Variants in TINAG observed in about 807,000 individuals in gnomAD.
TINAG encodes the protein tubulointerstitial nephritis antigen.
In TINAG, 83 loss-of-function variants were observed where a neutral mutation model predicts 72.7. The observed-to-expected ratio is 1.14, with a 90% CI of 0.96 to 1.37. The LOEUF is 1.37. Ranked by LOEUF, TINAG falls within the 40% of genes most tolerant of loss-of-function variation. TINAG has a pLI of 0.00. For missense variants in TINAG, 685 were observed against 576.6 expected, an observed-to-expected ratio of 1.19 and a Z score of -1.93; for synonymous variants, 234 against 189.9, an observed-to-expected ratio of 1.23 and a Z score of -1.91.
At chr6:54,317,612 T>C (rs950103872) in intron 1 of TINAG, among the ~76,000 whole-genome samples, 6 of 152,172 alleles carry the variant, frequency 3.9e-5, no homozygotes, top group African/African-American at 1.4e-4. Context: ...AATTACTCAG[T>C]CTTGGGTATG....
intron 10 of TINAG, among the ~76,000 whole-genome samples, chr6:54,381,750 A>G (rs939507812): frequency 6.6e-6 from 1 of 152,148 alleles, no homozygotes; most frequent in Non-Finnish European, 1.5e-5. Flanking sequence ...ACCTACTATT[A>G]AGTTTCTGCA....
rs557831982 is a variant in TINAG at position 54,385,879 on chromosome 6, A to ATTTTT, written c.1297-3891_1297-3887dup. On this transcript the variant is annotated intron_variant, in intron 10 of 10. Transcript: ENST00000259782. ...AGAGTCAAGGAGAAAAAAAAACATGATTTTTTTTTTTTTTTTTTTTTTTTT... is the reference window on the plus strand; with the variant it reads ...AGAGTCAAGGAGAAAAAAAAACATGATTTTTTTTTTTTTTTTTTTTTTTTTTTTTT... 1.8e-3 allele frequency among the ~76,000 whole-genome samples: 145 copies of ATTTTT among 80,752 alleles called. 9 individuals are homozygous for ATTTTT. The highest frequency in any genetic ancestry group is 6.1e-3 in the African/African-American group (112 of 18,386). The allele number at this position is 80,752 out of a possible 152,430, so 53.0% of individuals were successfully genotyped here. A position where few individuals can be genotyped will look rare whatever the true frequency, so the allele number is the denominator to read the frequency against.
At chr6:54,342,692 T>C (rs1056286932) in intron 4 of TINAG, among the ~76,000 whole-genome samples, 1 of 152,220 alleles carries the variant, frequency 6.6e-6, no homozygotes, top group African/African-American at 2.4e-5. Flanking sequence ...AGACTTCAAG[T>C]ATTTTATAAA....
intron 4 of TINAG, among the ~76,000 whole-genome samples, chr6:54,332,279 A>T (rs1784759584): frequency 6.6e-6 from 1 of 152,106 alleles, no homozygotes; most frequent in Non-Finnish European, 1.5e-5. Context: ...TATACAGACA[A>T]ATGGAACAGA....
intron 1 of TINAG, among the ~76,000 whole-genome samples, chr6:54,315,544 G>T (rs1002398144): frequency 3.9e-5 from 6 of 151,988 alleles, no homozygotes; most frequent in African/African-American, 1.5e-4. Context: ...CAGTCATGGT[G>T]GCATACACTG....
chr6:54,372,475 C>T (rs1340880596), intron 9 of TINAG, among the ~76,000 whole-genome samples: 1 of 151,804 alleles, frequency 6.6e-6, no homozygotes, highest in Non-Finnish European at 1.5e-5. Flanking sequence ...ATAGAATTCA[C>T]ATAGTGATTT....
rs955003530 is a variant in TINAG, at chr6:54,380,428, A to G, written c.1251-98A>G. The G allele has an allele frequency of 4.1e-6, 4 of 978,224 alleles. No individual in the cohort carries two copies. The African/African-American group carries it at 4.9e-5, about 12-fold the overall frequency. 60.6% of individuals were successfully genotyped at this position (978,224 alleles called of 1,614,324 possible). On this transcript the variant is annotated intron_variant, in intron 9 of 10. Transcript: ENST00000259782. ...GTGAAACAGGATGGGACAGAGAGAA[A>G]GCACAAAAGATGTAGGAATGACAAT...
chr6:54,375,056 G>A (rs1398889707), intron 9 of TINAG, among the ~76,000 whole-genome samples: 1 of 152,006 alleles, frequency 6.6e-6, no homozygotes, highest in East Asian at 1.9e-4. Context: ...TTTTGTCTGG[G>A]TGATTCTGCT....
Position 54,343,483 on chromosome 6 carries a change from G to T in TINAG, c.748+134G>T, listed in dbSNP as rs112762733. On this transcript the variant is annotated intron_variant, in intron 5 of 10. Transcript: ENST00000259782. ...TGATCAAATAAAATCTCATTATGAT[G>T]GAAGAAAGTAACCTGAAGATTATAT... 8.1e-4 allele frequency: 766 copies of T among 948,962 alleles called. 5 individuals carry two copies. Among genetic ancestry groups the T allele is most frequent in the African/African-American group, 7.2e-3 (420 of 58,018 alleles). 58.8% of individuals were successfully genotyped at this position (948,962 alleles called of 1,614,324 possible).
Position 54,313,492 on chromosome 6 carries a change from G to A in TINAG, c.355+4587G>A, listed in dbSNP as rs975006640. 5.3e-5 allele frequency among the ~76,000 whole-genome samples: 8 copies of A among 152,210 alleles called. No individual in the cohort carries two copies. The Middle Eastern group carries it at 0.01, about 194-fold the overall frequency. ...TCCTCCTTACAAGCTAAGATTTATT[G>A]AATACTTACTATGGAGCCAACAACT... On this transcript the variant is annotated intron_variant, in intron 1 of 10. Coordinates refer to ENST00000259782, the MANE Select transcript of TINAG (RefSeq NM_014464.4).
rs189063421 is a variant in TINAG, at chr6:54,333,469, G to T, written c.624+6553G>T. On this transcript the variant is annotated intron_variant, in intron 4 of 10. Coordinates refer to ENST00000259782, the MANE Select transcript of TINAG (RefSeq NM_014464.4). ...ACATCATGCACTGGGGCCTGTCGGG[G>T]GATTGGGGGCTAGGGGAGGGATAGC... is the stretch of plus-strand genomic sequence containing the variant. Among the ~76,000 whole-genome samples, 52 of 152,078 alleles carry T rather than the reference G, an allele frequency of 3.4e-4. 1 individual carries two copies. The East Asian group carries it at 9.3e-3, about 27-fold the overall frequency.
intron 5 of TINAG, among the ~76,000 whole-genome samples, chr6:54,346,661 C>A (rs778505433): frequency 6.6e-6 from 1 of 151,590 alleles, no homozygotes; most frequent in Non-Finnish European, 1.5e-5. Flanking sequence ...ATATTCACTT[C>A]GTTTTATATA....
chr6:54,345,257 T>A (rs564384623), intron 5 of TINAG, among the ~76,000 whole-genome samples: 1 of 152,280 alleles, frequency 6.6e-6, no homozygotes, highest in South Asian at 2.1e-4. Context: ...TTCAAGTGAA[T>A]TTTAGCTAAA....
At chr6:54,327,829 C>A (rs978330461) in intron 4 of TINAG, among the ~76,000 whole-genome samples, 15 of 151,946 alleles carry the variant, frequency 9.9e-5, no homozygotes, top group African/African-American at 3.6e-4. Context: ...AAACTGCCAC[C>A]CCTTATAAAC....
chr6:54,389,871 T>A lies in TINAG; in HGVS notation c.1377T>A (p.Ile459=). 1 of 1,610,992 alleles carries A rather than the reference T, an allele frequency of 6.2e-7. No homozygotes were observed. The highest frequency in any genetic ancestry group is 8.5e-7 in the Non-Finnish European group (1 of 1,178,684). ...TTCGAGGAGTAAATGAGTCCGACAT[T>A]GAAAAGTTGATTATCGCAGCTTGGG... is the stretch of plus-strand genomic sequence containing the variant. ...RILRGVNESD[I]EKLIIAAWGQ... Residue 459 remains isoleucine, a synonymous_variant, in exon 11 of 11, where the codon ATT becomes ATA. Transcript: ENST00000259782.
At chr6:54,334,020 T>A (rs934091642) in intron 4 of TINAG, among the ~76,000 whole-genome samples, 4 of 152,196 alleles carry the variant, frequency 2.6e-5, no homozygotes, top group African/African-American at 7.2e-5. Context: ...TATTGGTTTT[T>A]CCCTTTCATT....
At chr6:54,328,129 C>T (rs1340681480) in intron 4 of TINAG, among the ~76,000 whole-genome samples, 2 of 152,164 alleles carry the variant, frequency 1.3e-5, no homozygotes, top group Non-Finnish European at 2.9e-5. Context: ...AAAGGACAGA[C>T]TGCCTCCTCA....
intron 4 of TINAG, chr6:54,327,272 G>C: frequency 3.1e-6 from 4 of 1,299,042 alleles, no homozygotes; most frequent in Non-Finnish European, 4.0e-6. Flanking sequence ...CATTGGGACT[G>C]GTTAGACAGT....
chr6:54,384,191 T>TG (rs954191863), intron 10 of TINAG, among the ~76,000 whole-genome samples: 36 of 152,026 alleles, frequency 2.4e-4, no homozygotes, highest in African/African-American at 8.4e-4. Flanking sequence ...CATCACACAC[T>TG]GGGGCCTGTT....
Sources: gnomAD v4.1 joint callset for allele counts (sites outside exome capture counted in the v4.1 genomes callset) on GRCh38, gnomAD v4.1.1 for gene constraint, MANE v1.5 for transcripts, NCBI Gene and HGNC (gene_info 2026-07-23, HGNC 2026-07-21) for gene names.